OPCML: variants seen among roughly 807,000 people sequenced by gnomAD.
OPCML encodes the protein opioid binding protein/cell adhesion molecule like, also known as opioid-binding protein/cell adhesion molecule.
OPCML carries 13 observed loss-of-function variants against 37.8 expected under a neutral mutation model. That is an observed-to-expected ratio of 0.34 (90% CI 0.22 to 0.55). The LOEUF (loss-of-function observed/expected upper bound fraction) is 0.55, where lower values mean the gene tolerates loss of function less well. Ranked by LOEUF, OPCML falls within the 20% of genes least tolerant of loss-of-function variation. OPCML has a pLI of 0.91. For synonymous variants in OPCML, 176 were observed against 168.8 expected (o/e 1.04, Z -0.33); for missense variants, 341 against 435.6 (o/e 0.78, Z 1.93).
chr11:132,994,482 G>A (rs1252982256), intron 1 of OPCML, among the ~76,000 whole-genome samples: 1 of 152,104 alleles, frequency 6.6e-6, no homozygotes, highest in Non-Finnish European at 1.5e-5. Context: ...AGGGCTGCCT[G>A]GAAAGGAACT....
chr11:133,352,845 A>G (rs911445817), intron 1 of OPCML, among the ~76,000 whole-genome samples: 2 of 152,218 alleles, frequency 1.3e-5, no homozygotes, highest in Admixed American at 1.3e-4. Context: ...TGGAATCAGC[A>G]GGAATAGGTT....
chr11:133,403,730 A>G (rs1299887537), intron 1 of OPCML, among the ~76,000 whole-genome samples: 3 of 152,246 alleles, frequency 2.0e-5, no homozygotes, highest in Non-Finnish European at 4.4e-5. Flanking sequence ...TGAATTGGAT[A>G]AATATGTCCT....
At chr11:133,032,567 C>T (rs2136926952) in intron 1 of OPCML, among the ~76,000 whole-genome samples, 2 of 152,332 alleles carry the variant, frequency 1.3e-5, no homozygotes. Context: ...AAGTCTAGAA[C>T]TCACAGCAGT....
intron 3 of OPCML, among the ~76,000 whole-genome samples, chr11:132,626,739 T>G (rs1253215287): frequency 2.0e-5 from 3 of 151,604 alleles, no homozygotes; most frequent in Non-Finnish European, 4.4e-5. Context: ...GCCCTGAGTT[T>G]TGGATTATAC....
At chr11:132,479,200 T>C (rs2096168638) in intron 4 of OPCML, among the ~76,000 whole-genome samples, 1 of 152,138 alleles carries the variant, frequency 6.6e-6, no homozygotes, top group African/African-American at 2.4e-5. Context: ...GGCGAGGCAT[T>C]GCCTCACTCA....
chr11:132,982,915 C>T (rs573308757), intron 1 of OPCML, among the ~76,000 whole-genome samples: 97 of 152,048 alleles, frequency 6.4e-4, no homozygotes, highest in Middle Eastern at 3.4e-3. Context: ...TGGCTTGGCC[C>T]CTTGTAAATC....
intron 2 of OPCML, among the ~76,000 whole-genome samples, chr11:132,882,231 A>C (rs935886120): frequency 6.6e-6 from 1 of 152,244 alleles, no homozygotes; most frequent in Non-Finnish European, 1.5e-5. Context: ...AAGTGTAAAC[A>C]AAAAATGAAC....
intron 3 of OPCML, among the ~76,000 whole-genome samples, chr11:132,559,487 C>T (rs1461906557): frequency 6.6e-6 from 1 of 152,192 alleles, no homozygotes; most frequent in African/African-American, 2.4e-5. Context: ...CCATTATCTG[C>T]AACCTCTGGA....
chr11:133,109,533 C>A (rs1325081254), intron 1 of OPCML, among the ~76,000 whole-genome samples: 4 of 152,156 alleles, frequency 2.6e-5, no homozygotes, highest in Non-Finnish European at 5.9e-5. Context: ...ATTTTACAAT[C>A]CCCTTGCTAG....
At chr11:132,580,360 T>C (rs2137627274) in intron 3 of OPCML, among the ~76,000 whole-genome samples, 1 of 152,304 alleles carries the variant, frequency 6.6e-6, no homozygotes, top group African/African-American at 2.4e-5. Flanking sequence ...ATTTATGATT[T>C]AATGCTCAAT....
intron 3 of OPCML, 106 bp downstream of exon 3, chr11:132,656,981 G>A (rs1186838926): frequency 2.0e-6 from 3 of 1,510,990 alleles, no homozygotes; most frequent in East Asian, 2.3e-5. Flanking sequence ...ATTCAGTAGA[G>A]GAAGATGACT....
chr11:133,015,427 G>GGAAA (rs1947310906), intron 1 of OPCML, among the ~76,000 whole-genome samples: 1 of 103,684 alleles, frequency 9.6e-6, no homozygotes, highest in African/African-American at 4.2e-5. Flanking sequence ...AAGGAAGGAA[G>GGAAA]GAATGAAGGA....
At chr11:132,544,189 C>T (rs2096363674) in intron 3 of OPCML, among the ~76,000 whole-genome samples, 8 of 151,986 alleles carry the variant, frequency 5.3e-5, no homozygotes, top group Admixed American at 5.2e-4. Flanking sequence ...ATAAATATCC[C>T]TGGCTCCAGC....
intron 2 of OPCML, among the ~76,000 whole-genome samples, chr11:132,833,696 G>A (rs1043653290): frequency 2.6e-5 from 4 of 152,190 alleles, no homozygotes; most frequent in Admixed American, 6.5e-5. Context: ...TGGGAGTGGT[G>A]TGTTGCATTA....
chr11:132,664,147 G>A (rs1055968983), intron 2 of OPCML, among the ~76,000 whole-genome samples: 1 of 152,114 alleles, frequency 6.6e-6, no homozygotes. Flanking sequence ...AATGTTCCAA[G>A]TTTAAATTTT....
Position 132,554,883 on chromosome 11 carries a change from T to TTTTTTTTTTTTTTTTTTTTTTTC in OPCML, c.380-25698_380-25697insGAAAAAAAAAAAAAAAAAAAAAA, listed in dbSNP as rs1255603307. 8.0e-4 allele frequency among the ~76,000 whole-genome samples: 101 copies of TTTTTTTTTTTTTTTTTTTTTTTC among 125,740 alleles called. 7 individuals are homozygous for TTTTTTTTTTTTTTTTTTTTTTTC. Among genetic ancestry groups the TTTTTTTTTTTTTTTTTTTTTTTC allele is most frequent in the East Asian group, 2.5e-3 (7 of 2,848 alleles). The allele number at this position is 125,740 out of a possible 152,430, so 82.5% of individuals were successfully genotyped here. ...GTAAAGTTTTTTTTTTTTTTTTTTT[T>TTTTTTTTTTTTTTTTTTTTTTTC]TTTTTTTTCATTAGCTCTATGGTTA... On this transcript the variant is annotated intron_variant, in intron 3 of 7. Transcript: ENST00000524381.
intron 4 of OPCML, among the ~76,000 whole-genome samples, chr11:132,518,649 T>G (rs1268178125): frequency 6.6e-6 from 1 of 152,194 alleles, no homozygotes; most frequent in East Asian, 1.9e-4. Flanking sequence ...TCTGTTCAAA[T>G]GTCACTATCT....
chr11:132,906,320 C>T (rs1944239412), intron 2 of OPCML, among the ~76,000 whole-genome samples: 1 of 152,148 alleles, frequency 6.6e-6, no homozygotes, highest in South Asian at 2.1e-4. Context: ...ATTTTTAAAA[C>T]ATCTTAAATA....
At chr11:133,287,399 G>A (rs184122909) in intron 1 of OPCML, among the ~76,000 whole-genome samples, 2 of 150,062 alleles carry the variant, frequency 1.3e-5, no homozygotes, top group African/African-American at 4.9e-5. Context: ...GCCATGAGCC[G>A]AAACAAGTGG....
Sources: gnomAD v4.1 joint callset for allele counts (sites outside exome capture counted in the v4.1 genomes callset) on GRCh38, gnomAD v4.1.1 for gene constraint, MANE v1.5 for transcripts, NCBI Gene and HGNC (gene_info 2026-07-23, HGNC 2026-07-21) for gene names.